The following ANK2 variants were observed in gnomAD, a reference collection of about 807,000 sequenced individuals.
ANK2 encodes the protein ankyrin-2.
A neutral mutation model predicts 360.5 loss-of-function variants in ANK2; 83 were observed. The ratio of observed to expected loss-of-function variants is 0.23; its 90% CI spans 0.19 to 0.28. The LOEUF (loss-of-function observed/expected upper bound fraction) is 0.28. ANK2 is among the 10% of genes least tolerant of loss of function. The pLI, the probability that ANK2 is intolerant of heterozygous loss-of-function variation, is 1.00. For missense variants in ANK2, 4,201 were observed against 4,795.7 expected, an observed-to-expected ratio of 0.88 and a Z score of 3.66; for synonymous variants, 1,740 against 1,759.5, an observed-to-expected ratio of 0.99 and a Z score of 0.28.
rs2068207320 is a variant in ANK2, at chr4:113,292,408, C to T, written c.2278-8C>T. 1.2e-6 allele frequency: 2 copies of T among 1,607,808 alleles called. No homozygotes were observed. The highest frequency in any genetic ancestry group is 3.3e-4 in the Middle Eastern group (2 of 6,056). On this transcript the variant is annotated splice_region_variant and splice_polypyrimidine_tract_variant and intron_variant, in intron 20 of 45. Coordinates refer to ENST00000357077, the MANE Select transcript of ANK2 (RefSeq NM_001148.6). ...GGGTGCTGGGCCCGCCACCACTGTC[C>T]TCCACAGAACGGCTACACGCCTTTG...
chr4:113,354,019 A>C lies in ANK2; in HGVS notation c.5401A>C (p.Thr1801Pro), dbSNP rs951515764. Residue 1801 changes from threonine to proline, a missense_variant, in exon 38 of 46, where the codon ACC becomes CCC. Coordinates refer to ENST00000357077, the MANE Select transcript of ANK2 (RefSeq NM_001148.6). ...VKGKEDVPKKTTHRPHPAASP... is the reference protein window; with the variant it reads ...VKGKEDVPKKPTHRPHPAASP... Reference sequence around the variant, plus strand: ...AGGCAAGGAGGACGTGCCAAAAAAGACCACCCACAGGCCACATCCAGCTGC... The same window carrying C: ...AGGCAAGGAGGACGTGCCAAAAAAGCCCACCCACAGGCCACATCCAGCTGC... 4 of 1,613,938 alleles carry C rather than the reference A, an allele frequency of 2.5e-6. No individual in the cohort carries two copies. The highest frequency in any genetic ancestry group is 3.4e-6 in the Non-Finnish European group (4 of 1,179,992).
chr4:113,330,410 AAGG>A lies in ANK2; in HGVS notation c.3068_3070del (p.Gly1023del). ...CTGGCAACAATGCCTCCAATGGTGG[AAGG>A]AGAAGGCCTGGCCAGTCGCCTGATC... On this transcript the variant is annotated inframe_deletion, in exon 27 of 46. Coordinates refer to ENST00000357077, the MANE Select transcript of ANK2 (RefSeq NM_001148.6). 6.2e-7 allele frequency: 1 copy of A among 1,614,218 alleles called. No homozygotes were observed. Among genetic ancestry groups the A allele is most frequent in the Non-Finnish European group, 8.5e-7 (1 of 1,180,040 alleles).
intron 1 of ANK2, among the ~76,000 whole-genome samples, chr4:113,073,569 G>C (rs1359667798): frequency 6.6e-6 from 1 of 152,122 alleles, no homozygotes; most frequent in Non-Finnish European, 1.5e-5. Flanking sequence ...AACAAAGCAA[G>C]AAGAATGGCA....
chr4:112,729,602 T>C, the ANK2 span, among the ~76,000 whole-genome samples: 3 of 151,474 alleles, frequency 2.0e-5, no homozygotes, highest in Non-Finnish European at 2.9e-5. Flanking sequence ...ACAAAAATTA[T>C]CTGGGCATGG....
At chr4:113,063,270 A>G (rs1009624878) in intron 1 of ANK2, among the ~76,000 whole-genome samples, 2 of 152,106 alleles carry the variant, frequency 1.3e-5, no homozygotes, top group African/African-American at 4.8e-5. Context: ...AGGGCTCTCA[A>G]ATCATACCTG....
chr4:113,232,033 A>G, intron 4 of ANK2, 128 bp from the exon 5 acceptor site: 1 of 707,462 alleles, frequency 1.4e-6, no homozygotes, highest in Non-Finnish European at 2.5e-6. Flanking sequence ...CTTTATAATG[A>G]TAAATATGTG....
At chr4:112,820,289 G>C (rs1003621283) in intron 1 of ANK2, among the ~76,000 whole-genome samples, 1 of 152,164 alleles carries the variant, frequency 6.6e-6, no homozygotes, top group Non-Finnish European at 1.5e-5. Flanking sequence ...GGCACCTGTA[G>C]TTACAGTCTT....
the ANK2 span, among the ~76,000 whole-genome samples, chr4:112,740,320 C>T: frequency 1.3e-5 from 2 of 152,052 alleles, no homozygotes; most frequent in African/African-American, 2.4e-5. Flanking sequence ...TCATTGTAAC[C>T]TCGAACTCCT....
intron 2 of ANK2, among the ~76,000 whole-genome samples, chr4:113,006,715 T>C (rs1349148292): frequency 6.6e-6 from 1 of 152,226 alleles, no homozygotes; most frequent in African/African-American, 2.4e-5. Flanking sequence ...TACTTAGAAA[T>C]ATCAATACAA....
intron 2 of ANK2, among the ~76,000 whole-genome samples, chr4:113,021,022 G>A (rs2057945638): frequency 6.6e-6 from 1 of 152,016 alleles, no homozygotes; most frequent in Admixed American, 6.6e-5. Flanking sequence ...TGAGGCAGGG[G>A]CTATAGCATT....
chr4:113,151,959 G>C (rs2097105150), intron 1 of ANK2, among the ~76,000 whole-genome samples: 2 of 150,512 alleles, frequency 1.3e-5, no homozygotes, highest in South Asian at 2.1e-4. Context: ...TCCAGCTACT[G>C]GGGGGCTGAG....
the ANK2 span, among the ~76,000 whole-genome samples, chr4:112,725,357 C>CT: frequency 0.23 from 16,767 of 73,658 alleles, 3,858 homozygotes; most frequent in Non-Finnish European, 0.28. Flanking sequence ...AAGACACAGT[C>CT]TTTTTTTTTT....
intron 1 of ANK2, among the ~76,000 whole-genome samples, chr4:112,821,048 A>G (rs1264207601): frequency 6.6e-6 from 1 of 152,102 alleles, no homozygotes; most frequent in African/African-American, 2.4e-5. Context: ...AGTAGCTGAG[A>G]TTACAGGCAT....
chr4:112,736,700 TG>T, the ANK2 span, among the ~76,000 whole-genome samples: 2 of 152,076 alleles, frequency 1.3e-5, no homozygotes, highest in African/African-American at 2.4e-5. Flanking sequence ...GCTGCATGTG[TG>T]GTAAGGTTAA....
At chr4:112,957,308 T>C (rs1262535660) in intron 2 of ANK2, among the ~76,000 whole-genome samples, 2 of 152,108 alleles carry the variant, frequency 1.3e-5, no homozygotes, top group African/African-American at 4.8e-5. Context: ...ACAGCACATG[T>C]TTCAGAGAGC....
intron 9 of ANK2, 33 bp from the exon 10 acceptor site, chr4:113,249,731 A>G (rs1188232352): frequency 5.6e-6 from 9 of 1,605,478 alleles, no homozygotes; most frequent in Non-Finnish European, 5.1e-6. Flanking sequence ...TTTTGAAGTG[A>G]ACTTGGGCCT....
intron 1 of ANK2, among the ~76,000 whole-genome samples, chr4:112,887,790 T>G (rs1245693371): frequency 6.6e-6 from 1 of 152,074 alleles, no homozygotes; most frequent in Non-Finnish European, 1.5e-5. Context: ...AAATATAAAT[T>G]TATTTGTGTC....
intron 4 of ANK2, among the ~76,000 whole-genome samples, chr4:113,223,915 G>A (rs371919144): frequency 1.9e-4 from 29 of 152,278 alleles, no homozygotes; most frequent in Middle Eastern, 3.4e-3. Flanking sequence ...AGAGGATTCC[G>A]TCCAAAGCTG....
rs140755186 is a variant in ANK2, at chr4:113,121,610, C to T, written c.85-52806C>T. On this transcript the variant is annotated intron_variant, in intron 1 of 45. Coordinates refer to ENST00000357077, the MANE Select transcript of ANK2 (RefSeq NM_001148.6). ...GAGGTCAATTACTGGCAATTATAGA[C>T]TATGATATATAATCATTTTTTGTCA... is the stretch of plus-strand genomic sequence containing the variant. Among the ~76,000 whole-genome samples, 212 of 152,210 alleles carry T rather than the reference C, an allele frequency of 1.4e-3. 1 individual carries two copies. The highest frequency in any genetic ancestry group is 3.4e-3 in the Middle Eastern group (1 of 294).
Sources: allele counts gnomAD v4.1 joint callset (sites outside exome capture counted in the v4.1 genomes callset), GRCh38; gene constraint gnomAD v4.1.1; transcripts MANE v1.5; gene names NCBI Gene and HGNC (gene_info 2026-07-23, HGNC 2026-07-21).